Variants in DAPK1 observed in about 807,000 individuals in gnomAD.
DAPK1 encodes death associated protein kinase 1.
In DAPK1, 56 loss-of-function variants were observed where a neutral mutation model predicts 144.9. That is an observed-to-expected ratio of 0.39 (90% CI 0.31 to 0.48). The LOEUF (loss-of-function observed/expected upper bound fraction) is 0.48. Among genes scored for constraint, DAPK1 ranks in the 20% least tolerant of loss-of-function variants. The pLI, the probability that DAPK1 is intolerant of heterozygous loss-of-function variation, is 0.95. For missense variants in DAPK1, 1,454 were observed against 1,875.4 expected (o/e 0.78, Z 4.15); for synonymous variants, 690 against 749.0 (o/e 0.92, Z 1.29).
At chr9:87,529,313 T>C (rs1825628178) in intron 2 of DAPK1, among the ~76,000 whole-genome samples, 1 of 152,204 alleles carries the variant, frequency 6.6e-6, no homozygotes, top group Non-Finnish European at 1.5e-5. Flanking sequence ...GTCGAATTCT[T>C]TCTTTTGAGG....
intron 19 of DAPK1, among the ~76,000 whole-genome samples, chr9:87,671,254 C>A (rs1824135035): frequency 1.3e-5 from 2 of 152,122 alleles, no homozygotes; most frequent in Non-Finnish European, 2.9e-5. Context: ...GGCTCTCACC[C>A]TGTCTCAGTT....
At position 87,707,034 on chromosome 9, in the gene DAPK1, C is replaced by T; in HGVS notation, c.3963C>T (p.Asp1321=). 1 of 1,613,586 alleles carries T rather than the reference C, an allele frequency of 6.2e-7. No individual in the cohort carries two copies. Among genetic ancestry groups the T allele is most frequent in the Non-Finnish European group, 8.5e-7 (1 of 1,179,718 alleles). Residue 1321 remains aspartate, a synonymous_variant, in exon 26 of 26, where the codon GAC becomes GAT. Coordinates refer to ENST00000408954, the MANE Select transcript of DAPK1 (RefSeq NM_004938.4). The surrounding 1 kb of genome is among the most constrained non-coding windows in gnomAD (Gnocchi z 4.0). Reference sequence around the variant, plus strand: ...TGAGTCGCCTGCTGGACCCGCCCGACCCCCTGGGGAAGGACTGGTGCCTTC... The same window carrying T: ...TGAGTCGCCTGCTGGACCCGCCCGATCCCCTGGGGAAGGACTGGTGCCTTC... ...RKLSRLLDPP[D]PLGKDWCLLA... is the part of the protein sequence containing the mutation.
chr9:87,641,160 T>C (rs1013483178), intron 9 of DAPK1, among the ~76,000 whole-genome samples: 7 of 152,200 alleles, frequency 4.6e-5, no homozygotes, highest in African/African-American at 1.7e-4. Flanking sequence ...GATTCCAGCA[T>C]GTAAATATCA....
At chr9:87,611,204 T>A (rs1017354957) in intron 3 of DAPK1, among the ~76,000 whole-genome samples, 2 of 152,252 alleles carry the variant, frequency 1.3e-5, no homozygotes, top group Admixed American at 1.3e-4. Flanking sequence ...CAGTGGCTCT[T>A]AAACTTTAGC....
intron 2 of DAPK1, among the ~76,000 whole-genome samples, chr9:87,558,976 G>A (rs1826812106): frequency 6.6e-6 from 1 of 152,154 alleles, no homozygotes; most frequent in African/African-American, 2.4e-5. Context: ...CCCACTCTGG[G>A]GGAGGGGAGG....
intron 2 of DAPK1, among the ~76,000 whole-genome samples, chr9:87,550,154 G>C (rs1049177468): frequency 6.6e-6 from 1 of 152,178 alleles, no homozygotes; most frequent in Non-Finnish European, 1.5e-5. Context: ...CGTCACCCTA[G>C]AGAGTTCTCT....
chr9:87,592,391 A>T (rs182068845), intron 2 of DAPK1, among the ~76,000 whole-genome samples: 1 of 152,262 alleles, frequency 6.6e-6, no homozygotes, highest in East Asian at 1.9e-4. Flanking sequence ...AAAGCCCCCC[A>T]GTGATGATCA....
At chr9:87,614,672 C>G (rs1248929191) in intron 3 of DAPK1, among the ~76,000 whole-genome samples, 2 of 152,106 alleles carry the variant, frequency 1.3e-5, no homozygotes, top group African/African-American at 4.8e-5. Flanking sequence ...TTTAGCTGTC[C>G]CCTCACAGGT....
At chr9:87,690,051 G>A (rs1428108332) in intron 21 of DAPK1, among the ~76,000 whole-genome samples, 1 of 152,104 alleles carries the variant, frequency 6.6e-6, no homozygotes, top group African/African-American at 2.4e-5. Context: ...AATGACATTG[G>A]TATTTTGATA....
At chr9:87,518,105 G>GTTTTT (rs1178414186) in intron 2 of DAPK1, among the ~76,000 whole-genome samples, 16 of 35,602 alleles carry the variant, frequency 4.5e-4, no homozygotes, top group Non-Finnish European at 8.5e-4. Context: ...TTATGTTGTT[G>GTTTTT]TTTTTTTTTT....
chr9:87,538,551 C>T (rs926706048), intron 2 of DAPK1, among the ~76,000 whole-genome samples: 1 of 152,182 alleles, frequency 6.6e-6, no homozygotes, highest in East Asian at 1.9e-4. Context: ...TTCAACAACA[C>T]GGTTCATTTG....
chr9:87,616,701 G>A (rs576962669), intron 3 of DAPK1, among the ~76,000 whole-genome samples: 2 of 152,252 alleles, frequency 1.3e-5, no homozygotes, highest in East Asian at 3.9e-4. Flanking sequence ...CATCACCCTT[G>A]GGCCTGAAAA....
intron 24 of DAPK1, among the ~76,000 whole-genome samples, chr9:87,701,108 G>C (rs774470185): frequency 7.2e-5 from 11 of 152,118 alleles, no homozygotes; most frequent in Non-Finnish European, 1.2e-4. Flanking sequence ...AGTTAAATAG[G>C]AGGAAAAGCT....
intron 17 of DAPK1, among the ~76,000 whole-genome samples, chr9:87,656,883 A>G (rs1453864319): frequency 6.6e-6 from 1 of 152,218 alleles, no homozygotes; most frequent in Admixed American, 6.5e-5. Flanking sequence ...GGAAATGGAC[A>G]AAAATGTTAA....
At chr9:87,616,313 C>T (rs961712953) in intron 3 of DAPK1, among the ~76,000 whole-genome samples, 14 of 152,186 alleles carry the variant, frequency 9.2e-5, no homozygotes, top group African/African-American at 2.7e-4. Flanking sequence ...GGCAAGACTA[C>T]GTCCTACTCT....
intron 2 of DAPK1, among the ~76,000 whole-genome samples, chr9:87,556,753 A>G (rs1420954730): frequency 6.6e-6 from 1 of 152,222 alleles, no homozygotes; most frequent in Non-Finnish European, 1.5e-5. Context: ...GTGGCTCCTC[A>G]GCCCATACCC....
chr9:87,619,900 CGATGAGCTCTTCAGAA>C (rs931621507), intron 3 of DAPK1, among the ~76,000 whole-genome samples: 8 of 152,272 alleles, frequency 5.3e-5, no homozygotes, highest in East Asian at 3.9e-4. Flanking sequence ...GAAAGAAAGC[CGATGAGCTCTTCAGAA>C]GATGAGCTCT....
At chr9:87,570,786 AG>A (rs1564000263) in intron 2 of DAPK1, among the ~76,000 whole-genome samples, 1 of 78,996 alleles carries the variant, frequency 1.3e-5, no homozygotes, top group Non-Finnish European at 2.6e-5. Flanking sequence ...TTTCAGGAAC[AG>A]CAGAGAGGGG....
Position 87,598,420 on chromosome 9 carries a change from T to C in DAPK1, c.63-6534T>C, listed in dbSNP as rs1587753076. Reference sequence around the variant, plus strand: ...ACCATAAATAATTTTTAACTGCATATGTATTCGGTAGATGCATATTTAAAG... The same window carrying C: ...ACCATAAATAATTTTTAACTGCATACGTATTCGGTAGATGCATATTTAAAG... On this transcript the variant is annotated intron_variant, in intron 2 of 25. Coordinates refer to ENST00000408954, the MANE Select transcript of DAPK1 (RefSeq NM_004938.4). Among the ~76,000 whole-genome samples, 3 of 152,210 alleles carry C rather than the reference T, an allele frequency of 2.0e-5. No individual in the cohort carries two copies. The South Asian group carries it at 6.2e-4, about 31-fold the overall frequency.
Sources: allele counts gnomAD v4.1 joint callset (sites outside exome capture counted in the v4.1 genomes callset), GRCh38; gene constraint gnomAD v4.1.1; non-coding constraint Gnocchi (gnomAD v3.1); transcripts MANE v1.5; gene names NCBI Gene and HGNC (gene_info 2026-07-23, HGNC 2026-07-21).